GARNL3: variants seen among roughly 807,000 people sequenced by gnomAD.
The protein encoded by GARNL3 is GTPase activating Rap/RanGAP domain like 3, also known as GTPase-activating Rap/Ran-GAP domain-like protein 3.
A neutral mutation model predicts 125.0 loss-of-function variants in GARNL3; 63 were observed. The ratio of observed to expected loss-of-function variants is 0.50; its 90% CI spans 0.41 to 0.62. The LOEUF is 0.62. GARNL3 is among the 20% of genes least tolerant of loss of function. GARNL3 has a pLI of 0.00. For synonymous variants in GARNL3, 439 were observed against 457.5 expected (o/e 0.96, Z 0.52); for missense variants, 994 against 1,244.0 (o/e 0.80, Z 3.02).
rs968066049 is a variant in GARNL3 at position 127,271,616 on chromosome 9, T to G, written c.144+6595T>G. On this transcript the variant is annotated intron_variant, in intron 1 of 27. Coordinates refer to ENST00000373387, the MANE Select transcript of GARNL3 (RefSeq NM_032293.5). ...CCATCAACCATTCTTCATCACTTTGTGTTGAAATCTGTCAGAAAAAGCACA... is the reference window on the plus strand; with the variant it reads ...CCATCAACCATTCTTCATCACTTTGGGTTGAAATCTGTCAGAAAAAGCACA... Among the ~76,000 whole-genome samples the G allele has an allele frequency of 1.4e-4, 21 of 150,432 alleles. 1 individual carries two copies. The highest frequency in any genetic ancestry group is 1.3e-3 in the Admixed American group (20 of 15,244).
intron 6 of GARNL3, 57 bp from the exon 7 acceptor site, chr9:127,325,012 C>A: frequency 6.5e-7 from 1 of 1,540,772 alleles, no homozygotes; most frequent in East Asian, 2.3e-5. Context: ...CACAGCAAGT[C>A]AAAATGAAAT....
chr9:127,335,036 C>T (rs1480948557), intron 9 of GARNL3, among the ~76,000 whole-genome samples, 194 bp from the exon 10 acceptor site: 1 of 152,156 alleles, frequency 6.6e-6, no homozygotes, highest in Non-Finnish European at 1.5e-5. Flanking sequence ...AGCAAGTGAG[C>T]TTAGGGAGAG....
intron 19 of GARNL3, 39 bp downstream of exon 19, chr9:127,354,449 T>G: frequency 8.0e-7 from 1 of 1,248,232 alleles, no homozygotes; most frequent in Non-Finnish European, 1.1e-6. Context: ...CGATTCGTTT[T>G]TTTTTTTCCT....
chr9:127,268,022 G>A (rs1450474250), intron 1 of GARNL3, among the ~76,000 whole-genome samples: 1 of 152,168 alleles, frequency 6.6e-6, no homozygotes. Context: ...ATGAGAAGAT[G>A]GAAACCCAGA....
chr9:127,270,480 T>A (rs139830825), intron 1 of GARNL3, among the ~76,000 whole-genome samples: 4 of 152,344 alleles, frequency 2.6e-5, no homozygotes, highest in Non-Finnish European at 5.9e-5. Context: ...CTCAAATGTC[T>A]GGCCTTTATC....
intron 18 of GARNL3, 71 bp downstream of exon 18, chr9:127,354,015 GTCGCCAGGGTCTGACTGCATAAGTTCT>G (rs1830548167): frequency 1.0e-6 from 1 of 1,000,222 alleles, no homozygotes; most frequent in Non-Finnish European, 1.6e-6. Context: ...CACACCACAG[GTCGCCAGGGTCTGACTGCATAAGTTCT>G]GCCAGCTGTT....
intron 22 of GARNL3, among the ~76,000 whole-genome samples, chr9:127,373,788 T>C (rs2131767597): frequency 6.6e-6 from 1 of 151,780 alleles, no homozygotes; most frequent in African/African-American, 2.4e-5. Flanking sequence ...CTTTGGGAGG[T>C]TGATGTGGGC....
At chr9:127,301,377 C>T (rs990900246) in intron 2 of GARNL3, among the ~76,000 whole-genome samples, 17 of 152,168 alleles carry the variant, frequency 1.1e-4, no homozygotes, top group Admixed American at 1.3e-4. Flanking sequence ...GCCCACCCCC[C>T]ATCTTTTTCA....
intron 6 of GARNL3, 71 bp downstream of exon 6, chr9:127,320,849 T>A (rs2065377037): frequency 9.7e-7 from 1 of 1,032,520 alleles, no homozygotes; most frequent in Non-Finnish European, 1.5e-6. Context: ...TGACAGGTCA[T>A]CATAATCCTT....
At chr9:127,295,726 CT>C (rs59742421) in intron 2 of GARNL3, among the ~76,000 whole-genome samples, 302 of 146,416 alleles carry the variant, frequency 2.1e-3, no homozygotes, top group Middle Eastern at 3.5e-3. Context: ...AATGAAAGCA[CT>C]TTTTTTTTTT....
At chr9:127,355,166 G>T (rs994001220) in intron 19 of GARNL3, 131 bp from the exon 20 acceptor site, 5 of 710,802 alleles carry the variant, frequency 7.0e-6, no homozygotes, top group Non-Finnish European at 1.2e-5. Context: ...GCCTAGTGTC[G>T]GAAACATTCT....
intron 21 of GARNL3, chr9:127,362,068 CTTTTTTTTTTTTTTT>C (rs540192850): frequency 1.6e-4 from 21 of 130,204 alleles, no homozygotes; most frequent in African/African-American, 6.3e-4. Flanking sequence ...TTCATTTCTC[CTTTTTTTTTTTTTTT>C]TTTTTGAGAC....
In GARNL3 at chr9:127,385,449, C is replaced by G. The variant is rs182574895; in HGVS notation, c.2388+304C>G. ...GAGACTGGGTCAGTTATTCATGTCA[C>G]TGCTGCCCTGGAGGACAGTCCAAGT... On this transcript the variant is annotated intron_variant, in intron 24 of 27. Coordinates refer to ENST00000373387, the MANE Select transcript of GARNL3 (RefSeq NM_032293.5). This position sits in a 1 kb window ranked among gnomAD's most constrained non-coding sequence, Gnocchi z 4.1. Among the ~76,000 whole-genome samples, 2 of 152,314 alleles carry G rather than the reference C, an allele frequency of 1.3e-5. No homozygotes were observed. The highest frequency in any genetic ancestry group is 2.4e-5 in the African/African-American group (1 of 41,560).
At chr9:127,252,888 A>G (rs940737889) in intron 2 of GARNL3, among the ~76,000 whole-genome samples, 7 of 152,162 alleles carry the variant, frequency 4.6e-5, no homozygotes, top group African/African-American at 1.4e-4. Context: ...AGAAACATCA[A>G]TCTCTAGACA....
At chr9:127,296,023 A>G (rs1250938939) in intron 2 of GARNL3, among the ~76,000 whole-genome samples, 2 of 152,208 alleles carry the variant, frequency 1.3e-5, no homozygotes, top group African/African-American at 4.8e-5. Context: ...GTGACAAATC[A>G]TCAGGCATTG....
chr9:127,380,710 T>C (rs1832204673), intron 22 of GARNL3, among the ~76,000 whole-genome samples: 1 of 152,170 alleles, frequency 6.6e-6, no homozygotes, highest in South Asian at 2.1e-4. Context: ...GCAATTTATA[T>C]GAAATGTCCG....
intron 2 of GARNL3, among the ~76,000 whole-genome samples, chr9:127,258,196 A>G (rs963557028): frequency 6.6e-6 from 1 of 152,174 alleles, no homozygotes; most frequent in Non-Finnish European, 1.5e-5. Context: ...GAAACAAAAC[A>G]GGGGAGCAGG....
intron 1 of GARNL3, among the ~76,000 whole-genome samples, chr9:127,236,010 A>G (rs2063106602): frequency 6.6e-6 from 1 of 152,164 alleles, no homozygotes; most frequent in Non-Finnish European, 1.5e-5. Flanking sequence ...AATATGGGAG[A>G]GTAGTGTTTT....
chr9:127,332,685 C>T (rs1829328068), intron 8 of GARNL3, among the ~76,000 whole-genome samples: 1 of 152,150 alleles, frequency 6.6e-6, no homozygotes, highest in South Asian at 2.1e-4. Context: ...AAGATGGCGT[C>T]ATCTTCCTAA....
Sources: allele counts gnomAD v4.1 joint callset (sites outside exome capture counted in the v4.1 genomes callset), GRCh38; gene constraint gnomAD v4.1.1; non-coding constraint Gnocchi (gnomAD v3.1); transcripts MANE v1.5; gene names NCBI Gene and HGNC (gene_info 2026-07-23, HGNC 2026-07-21).